PTPRK: variants seen among roughly 807,000 people sequenced by gnomAD.
PTPRK encodes the protein protein tyrosine phosphatase receptor type K, also known as receptor-type tyrosine-protein phosphatase kappa.
PTPRK carries 75 observed loss-of-function variants against 178.0 expected under a neutral mutation model. The observed-to-expected ratio is 0.42, with a 90% confidence interval of 0.35 to 0.51. PTPRK has a LOEUF of 0.51. Ranked by LOEUF, PTPRK falls within the 20% of genes least tolerant of loss-of-function variation. PTPRK has a pLI of 0.02. For synonymous variants in PTPRK, 637 were observed against 620.6 expected, an observed-to-expected ratio of 1.03 and a Z score of -0.39; for missense variants, 1,441 against 1,797.8, an observed-to-expected ratio of 0.80 and a Z score of 3.59.
chr6:128,093,590 CTCT>C, intron 7 of PTPRK, among the ~76,000 whole-genome samples: 1 of 83,082 alleles, frequency 1.2e-5, no homozygotes, highest in Non-Finnish European at 2.1e-5. Flanking sequence ...GCAAGAGACT[CTCT>C]CTCAAAAAAA....
chr6:128,124,130 G>A lies in PTPRK; in HGVS notation c.1163-34138C>T, dbSNP rs556033874. On this transcript the variant is annotated intron_variant, in intron 7 of 29. Coordinates refer to ENST00000368226, the MANE Select transcript of PTPRK (RefSeq NM_002844.4). ...AACATCTCAGCTCACTGCAACCTCC[G>A]CCTCCCAGGTTCAAGCAATGCTCCT... 3.3e-5 allele frequency among the ~76,000 whole-genome samples: 5 copies of A among 149,756 alleles called. No individual in the cohort carries two copies. In the East Asian group the frequency reaches 5.9e-4, roughly 18 times the overall value.
intron 5 of PTPRK, among the ~76,000 whole-genome samples, chr6:128,225,970 G>C (rs944890846): frequency 6.6e-6 from 1 of 152,118 alleles, no homozygotes; most frequent in Non-Finnish European, 1.5e-5. Flanking sequence ...TTAATCAAGT[G>C]TAACAAAATA....
chr6:128,104,899 A>G (rs1789426580), intron 7 of PTPRK, among the ~76,000 whole-genome samples: 1 of 152,192 alleles, frequency 6.6e-6, no homozygotes, highest in Non-Finnish European at 1.5e-5. Flanking sequence ...TCATTGTGAA[A>G]CTTTGAAATG....
At chr6:128,300,971 C>T (rs113040707) in intron 3 of PTPRK, among the ~76,000 whole-genome samples, 62 of 152,104 alleles carry the variant, frequency 4.1e-4, no homozygotes, top group African/African-American at 1.4e-3. Context: ...ACTGTACTAC[C>T]ATCTAGTCTT....
chr6:128,391,833 T>C (rs1376928031), intron 2 of PTPRK, among the ~76,000 whole-genome samples: 1 of 151,960 alleles, frequency 6.6e-6, no homozygotes, highest in Admixed American at 6.6e-5. Flanking sequence ...CTAAATCTTC[T>C]CTTATAAAAC....
chr6:128,113,261 G>A (rs894534609), intron 7 of PTPRK, among the ~76,000 whole-genome samples: 4 of 151,922 alleles, frequency 2.6e-5, no homozygotes, highest in African/African-American at 9.6e-5. Flanking sequence ...ATATACATAT[G>A]TACACAGACA....
intron 3 of PTPRK, among the ~76,000 whole-genome samples, chr6:128,306,662 T>C (rs1826430932): frequency 6.6e-6 from 1 of 151,894 alleles, no homozygotes; most frequent in African/African-American, 2.4e-5. Context: ...CCGGGTGTGG[T>C]GGCATGTGCC....
chr6:128,161,847 AT>A lies in PTPRK; in HGVS notation c.1162+22584del, dbSNP rs1798754931. On this transcript the variant is annotated intron_variant, in intron 7 of 29. Coordinates refer to ENST00000368226, the MANE Select transcript of PTPRK (RefSeq NM_002844.4). ...ATATTTGTCAATTTAAAACAAAAAA[AT>A]AAAAATTATCATTTATACTATGGAC... Among the ~76,000 whole-genome samples, 3 of 151,764 alleles carry A rather than the reference AT, an allele frequency of 2.0e-5. No homozygotes were observed. The South Asian group carries it at 6.2e-4, about 31-fold the overall frequency.
intron 7 of PTPRK, among the ~76,000 whole-genome samples, chr6:128,136,074 A>G (rs2114486443): frequency 6.6e-6 from 1 of 152,296 alleles, no homozygotes; most frequent in East Asian, 1.9e-4. Flanking sequence ...CTGGTGTCCC[A>G]TAAGAAGAGA....
intron 3 of PTPRK, among the ~76,000 whole-genome samples, chr6:128,311,194 T>C (rs922159579): frequency 6.6e-6 from 1 of 152,182 alleles, no homozygotes; most frequent in Non-Finnish European, 1.5e-5. Context: ...TATGCCTTGC[T>C]TTCCACAGGT....
At chr6:128,200,665 A>C (rs1179905408) in intron 6 of PTPRK, among the ~76,000 whole-genome samples, 3 of 151,654 alleles carry the variant, frequency 2.0e-5, no homozygotes, top group Non-Finnish European at 4.4e-5. Context: ...TGGGAGGCTG[A>C]GGCTGTAGTG....
At chr6:128,311,322 T>C (rs1403897786) in intron 3 of PTPRK, among the ~76,000 whole-genome samples, 5 of 152,172 alleles carry the variant, frequency 3.3e-5, no homozygotes, top group Non-Finnish European at 7.4e-5. Context: ...TTTGATCTGC[T>C]GAATTCAGTC....
intron 6 of PTPRK, among the ~76,000 whole-genome samples, chr6:128,209,100 T>G (rs1193000135): frequency 6.6e-6 from 1 of 151,908 alleles, no homozygotes; most frequent in African/African-American, 2.4e-5. Flanking sequence ...GGAACACTTA[T>G]CACTTATCAT....
At chr6:128,290,925 T>A (rs1823276329) in intron 3 of PTPRK, among the ~76,000 whole-genome samples, 1 of 152,054 alleles carries the variant, frequency 6.6e-6, no homozygotes, top group Admixed American at 6.6e-5. Context: ...TTGCTGTTAA[T>A]CTTCAGAACA....
chr6:128,275,983 T>C (rs1337627276), intron 3 of PTPRK, among the ~76,000 whole-genome samples: 2 of 152,048 alleles, frequency 1.3e-5, no homozygotes, highest in East Asian at 1.9e-4. Flanking sequence ...CCTTGCCTAC[T>C]TTATAGACTT....
intron 1 of PTPRK, among the ~76,000 whole-genome samples, chr6:128,405,614 T>C (rs910316053): frequency 4.6e-4 from 70 of 152,284 alleles, no homozygotes; most frequent in African/African-American, 1.6e-3. Flanking sequence ...CATTTAAACA[T>C]ATCTTTGTTT....
chr6:128,191,383 G>C lies in PTPRK; in HGVS notation c.869-6658C>G, dbSNP rs187813234. 5.5e-3 allele frequency among the ~76,000 whole-genome samples: 837 copies of C among 152,124 alleles called. 2 individuals carry two copies. Among genetic ancestry groups the C allele is most frequent in the Middle Eastern group, 0.02 (6 of 294 alleles). On this transcript the variant is annotated intron_variant, in intron 6 of 29. Transcript: ENST00000368226. ...CATAGAAGCAGAGAGTAGAATGGTG[G>C]TTACCAGGAGCACCGGGGCAGGGCA...
intron 7 of PTPRK, among the ~76,000 whole-genome samples, chr6:128,111,299 A>G (rs1006171231): frequency 1.3e-5 from 2 of 152,168 alleles, no homozygotes; most frequent in Non-Finnish European, 2.9e-5. Context: ...ACTTTCCAGT[A>G]AAACATCTCT....
At chr6:128,184,317 T>C in intron 7 of PTPRK, 115 bp downstream of exon 7, 1 of 1,079,558 alleles carries the variant, frequency 9.3e-7, no homozygotes, top group Non-Finnish European at 1.3e-6. Context: ...TTGGAACTCT[T>C]AATAGTGTGA....
Sources: gnomAD v4.1 joint callset for allele counts (sites outside exome capture counted in the v4.1 genomes callset) on GRCh38, gnomAD v4.1.1 for gene constraint, MANE v1.5 for transcripts, NCBI Gene and HGNC (gene_info 2026-07-23, HGNC 2026-07-21) for gene names.